The following PPP2R3B variants were observed in gnomAD, a reference collection of about 807,000 sequenced individuals.
PPP2R3B encodes serine/threonine-protein phosphatase 2A regulatory subunit B'' subunit beta.
PPP2R3B carries 68 observed loss-of-function variants against 72.9 expected under a neutral mutation model. The observed-to-expected ratio is 0.93, with a 90% CI of 0.77 to 1.14. The LOEUF is 1.14. PPP2R3B is among the 50% of genes most tolerant of loss of function. The pLI, the probability that PPP2R3B is intolerant of heterozygous loss-of-function variation, is 0.00. For synonymous variants in PPP2R3B, 466 were observed against 375.8 expected (o/e 1.24, Z -2.78); for missense variants, 1,018 against 842.0 (o/e 1.21, Z -2.59).
At chrX:383,407 C>T (rs1408699990) in intron 1 of PPP2R3B, among the ~76,000 whole-genome samples, 1 of 152,172 alleles carries the variant, frequency 6.6e-6, no homozygotes, top group South Asian at 2.1e-4. Flanking sequence ...TCCGACGGAA[C>T]ATTCTGAATA....
At chrX:341,206 AG>A in intron 9 of PPP2R3B, 100 bp downstream of exon 9, 1 of 1,241,886 alleles carries the variant, frequency 8.1e-7, no homozygotes, top group Non-Finnish European at 1.1e-6. Context: ...TGTGCCGTGC[AG>A]CCCCCACCAG....
intron 1 of PPP2R3B, among the ~76,000 whole-genome samples, chrX:375,253 A>G (rs2071963891): frequency 1.3e-5 from 2 of 152,228 alleles, no homozygotes; most frequent in African/African-American, 4.8e-5. Context: ...ACAGCACCAG[A>G]GGGAATGTGC....
At chrX:379,886 A>T (rs2072086510) in intron 1 of PPP2R3B, among the ~76,000 whole-genome samples, 1 of 152,254 alleles carries the variant, frequency 6.6e-6, no homozygotes, top group Non-Finnish European at 1.5e-5. Flanking sequence ...TTTGCTAGAA[A>T]GTTACACTAA....
rs181737286 is a variant in PPP2R3B, at chrX:362,865, G to T, written c.325-1275C>A. Among the ~76,000 whole-genome samples the T allele has an allele frequency of 9.9e-3, 1,470 of 148,946 alleles. 32 individuals are homozygous for T. The highest frequency in any genetic ancestry group is 0.035 in the African/African-American group (1,382 of 40,020). On this transcript the variant is annotated intron_variant, in intron 1 of 12. Transcript: ENST00000390665. Reference sequence around the variant, plus strand: ...CCCCAACTGTCCCCACCCTGCTACTGCCACAGTATCCTCACCGCAGGTCAC... The same window carrying T: ...CCCCAACTGTCCCCACCCTGCTACTTCCACAGTATCCTCACCGCAGGTCAC...
intron 1 of PPP2R3B, among the ~76,000 whole-genome samples, chrX:366,993 C>A (rs866168729): frequency 0.1 from 10,865 of 106,356 alleles, 10 homozygotes; most frequent in Non-Finnish European, 0.12. Context: ...GCACCACTGT[C>A]CTCCAGCCTG....
At chrX:380,938 CT>C (rs774073061) in intron 1 of PPP2R3B, among the ~76,000 whole-genome samples, 540 of 137,924 alleles carry the variant, frequency 3.9e-3, no homozygotes, top group Middle Eastern at 7.5e-3. Flanking sequence ...CGTTTTCTTT[CT>C]TTTTTTTTTT....
chrX:334,791 G>A (rs1471192672), intron 12 of PPP2R3B: 5 of 396,376 alleles, frequency 1.3e-5, no homozygotes, highest in Non-Finnish European at 1.8e-5. Flanking sequence ...ACCTGGGCGG[G>A]CGCGCCTCTT....
chrX:356,277 G>A (rs958305773), intron 2 of PPP2R3B, among the ~76,000 whole-genome samples: 4 of 152,156 alleles, frequency 2.6e-5, no homozygotes, highest in Non-Finnish European at 4.4e-5. Context: ...GTGCAGTGGT[G>A]CGATCTTGGC....
chrX:346,374 G>A (rs2071213449), intron 5 of PPP2R3B, 114 bp from the exon 6 acceptor site: 3 of 1,047,986 alleles, frequency 2.9e-6, no homozygotes, highest in East Asian at 2.6e-5. Context: ...GCACGGGGCC[G>A]CCAGGGCACA....
chrX:351,292 C>T (rs1387506800), intron 2 of PPP2R3B, among the ~76,000 whole-genome samples: 9 of 152,118 alleles, frequency 5.9e-5, no homozygotes, highest in African/African-American at 1.2e-4. Flanking sequence ...GCTAGTCCCA[C>T]GCTTTTGACC....
rs1383194962 is a variant in PPP2R3B, at chrX:346,773, G to A, written c.720C>T (p.Asp240=). The A allele has an allele frequency of 2.5e-6, 4 of 1,608,988 alleles. No individual in the cohort carries two copies. Among genetic ancestry groups the A allele is most frequent in the African/African-American group, 2.7e-5 (2 of 74,850 alleles). Residue 240 remains aspartate (D), a splice_region_variant and synonymous_variant, in exon 5 of 13, where the codon GAC becomes GAT. Transcript: ENST00000390665. The stretch of plus-strand genomic sequence containing the variant: ...ACAGCCCCGGGTGCGTGTTCACCAC[G>A]TCCTGCGGGTGGGAAGACACGAGGC... ...VQEDFVPFLQ[D]VVNTHPGLSF...
rs757658051 is a variant in PPP2R3B, at chrX:361,418, C to A, written c.497G>T (p.Gly166Val). The A allele has an allele frequency of 2.7e-5, 43 of 1,613,886 alleles. No homozygotes were observed. The South Asian group carries it at 4.5e-4, about 17-fold the overall frequency. ...PHERATMDDM[G>V]LVAKACGCPL... ...CGTGACACGTACCTTGGCCACCAGGCCCATGTCATCCATGGTGGCCCTCTC... is the reference window on the plus strand; with the variant it reads ...CGTGACACGTACCTTGGCCACCAGGACCATGTCATCCATGGTGGCCCTCTC... Residue 166 changes from glycine (G) to valine (V), a missense_variant, in exon 2 of 13, where the codon GGC (glycine) becomes GTC (valine). Coordinates refer to ENST00000390665, the MANE Select transcript of PPP2R3B (RefSeq NM_013239.5).
intron 2 of PPP2R3B, among the ~76,000 whole-genome samples, chrX:350,376 G>A (rs1160895509): frequency 2.0e-5 from 3 of 152,192 alleles, no homozygotes; most frequent in Admixed American, 6.5e-5. Flanking sequence ...AAGGAAGGGA[G>A]CACCGCTGCA....
intron 6 of PPP2R3B, 30 bp downstream of exon 6, chrX:346,143 AG>A: frequency 1.6e-6 from 2 of 1,226,902 alleles, no homozygotes; most frequent in South Asian, 1.5e-5. Context: ...GGGACAAGGC[AG>A]GGGGCAGGGG....
chrX:385,612 C>G (rs545355237), intron 1 of PPP2R3B, among the ~76,000 whole-genome samples: 2 of 151,670 alleles, frequency 1.3e-5, no homozygotes, highest in African/African-American at 4.8e-5. Context: ...AGCAAGACCT[C>G]GTCTCTGCAA....
chrX:340,987 C>A (rs371068009), intron 9 of PPP2R3B, 47 bp from the exon 10 acceptor site: 3 of 1,587,204 alleles, frequency 1.9e-6, no homozygotes, highest in Non-Finnish European at 2.6e-6. Flanking sequence ...GCCCTCCCAG[C>A]CCGTGACCTG....
At chrX:381,079 C>A (rs971407117) in intron 1 of PPP2R3B, among the ~76,000 whole-genome samples, 3 of 151,984 alleles carry the variant, frequency 2.0e-5, no homozygotes, top group Non-Finnish European at 4.4e-5. Context: ...AGGCATGAAC[C>A]ACCATGCCTG....
Position 334,264 on chromosome X carries a change from C to G in PPP2R3B, c.*103G>C. 7.9e-7 allele frequency: 1 copy of G among 1,262,840 alleles called. No individual in the cohort carries two copies. Among genetic ancestry groups the G allele is most frequent in the South Asian group, 1.7e-5 (1 of 58,224 alleles). 78.2% of individuals were successfully genotyped at this position (1,262,840 alleles called of 1,614,324 possible). ...GTGAATAAATAAAAGTTTATCATTC[C>G]GTACAAACGCACTCATTTTCCACAA... On this transcript the variant is annotated 3_prime_UTR_variant, in exon 13 of 13. Transcript: ENST00000390665.
intron 8 of PPP2R3B, 83 bp downstream of exon 8, chrX:341,800 G>T: frequency 6.8e-7 from 1 of 1,468,518 alleles, no homozygotes; most frequent in Non-Finnish European, 9.5e-7. Context: ...GGCACAAAAA[G>T]CTCACGTCAG....
Sources: gnomAD v4.1 joint callset for allele counts (sites outside exome capture counted in the v4.1 genomes callset) on GRCh38, gnomAD v4.1.1 for gene constraint, MANE v1.5 for transcripts, NCBI Gene and HGNC (gene_info 2026-07-23, HGNC 2026-07-21) for gene names.